CADM2: variants seen among roughly 807,000 people sequenced by gnomAD.
CADM2 encodes cell adhesion molecule 2, also known as immunoglobulin superfamily member 4D.
CADM2 carries 12 observed loss-of-function variants against 49.8 expected under a neutral mutation model. That is an observed-to-expected ratio of 0.24 (90% CI 0.15 to 0.39). CADM2 has a LOEUF of 0.39. Ranked by LOEUF, CADM2 falls within the 10% of genes least tolerant of loss-of-function variation. The pLI is 1.00. For synonymous variants in CADM2, 214 were observed against 175.4 expected (o/e 1.22, Z -1.74); for missense variants, 378 against 492.3 (o/e 0.77, Z 2.20).
rs574558467 is a variant in CADM2, at chr3:85,429,011, TGTTTTG to T, written c.62-297505_62-297500del. On this transcript the variant is annotated intron_variant, in intron 1 of 9. Coordinates refer to ENST00000383699, the MANE Select transcript of CADM2 (RefSeq NM_001167675.2). ...GGAAAAATATTCCTTTGGCTCAAAA[TGTTTTG>T]GTTTTAGTTTACTTGACTCTGGTTT... 2.5e-3 allele frequency among the ~76,000 whole-genome samples: 381 copies of T among 152,094 alleles called. 1 individual carries two copies. The highest frequency in any genetic ancestry group is 8.7e-3 in the African/African-American group (363 of 41,536).
intron 1 of CADM2, among the ~76,000 whole-genome samples, chr3:85,116,518 T>TA (rs1293982116): frequency 6.6e-6 from 1 of 152,190 alleles, no homozygotes. Context: ...GTGATATTGT[T>TA]ATATGAGTCA....
chr3:85,479,227 T>C (rs2039108793), intron 1 of CADM2, among the ~76,000 whole-genome samples: 1 of 151,890 alleles, frequency 6.6e-6, no homozygotes, highest in South Asian at 2.1e-4. Flanking sequence ...TACAATACAA[T>C]AGGTACTTTT....
intron 1 of CADM2, among the ~76,000 whole-genome samples, chr3:85,028,163 C>T (rs943160028): frequency 9.2e-5 from 14 of 152,152 alleles, no homozygotes; most frequent in African/African-American, 3.4e-4. Context: ...TTCCATTTTA[C>T]AGATGAGGAA....
In CADM2 at chr3:86,069,472, A is replaced by G. The variant is rs1336918846; in HGVS notation, c.*2689A>G. On this transcript the variant is annotated 3_prime_UTR_variant, in exon 10 of 10. Coordinates refer to ENST00000383699, the MANE Select transcript of CADM2 (RefSeq NM_001167675.2). The stretch of plus-strand genomic sequence containing the variant: ...GAGAAAACAATATCAATGAAGTCAT[A>G]TTTTCATACCTTTAAAAATTATTTA... 1 of 152,034 alleles carries G rather than the reference A, an allele frequency of 6.6e-6. No homozygotes were observed. Among genetic ancestry groups the G allele is most frequent in the African/African-American group, 2.4e-5 (1 of 41,442 alleles). The allele number at this position is 152,034 out of a possible 1,614,324, so 9.4% of individuals were successfully genotyped here. A position where few individuals can be genotyped will look rare whatever the true frequency, so the allele number is the denominator to read the frequency against.
chr3:85,051,094 G>A (rs1405137342), intron 1 of CADM2, among the ~76,000 whole-genome samples: 1 of 152,170 alleles, frequency 6.6e-6, no homozygotes, highest in Non-Finnish European at 1.5e-5. Context: ...GATTCAGAAT[G>A]GCTTGATGAC....
intron 1 of CADM2, 54 bp from the exon 2 acceptor site, chr3:85,726,468 G>T (rs2067699604): frequency 6.3e-7 from 1 of 1,598,800 alleles, no homozygotes; most frequent in Non-Finnish European, 8.6e-7. Context: ...TAGAGAATCT[G>T]TCTAATATCT....
chr3:85,507,877 A>G (rs2040428676), intron 1 of CADM2, among the ~76,000 whole-genome samples: 1 of 152,196 alleles, frequency 6.6e-6, no homozygotes, highest in South Asian at 2.1e-4. Context: ...TACAAATAAA[A>G]TGTTCTTGCA....
At chr3:85,852,317 G>T (rs1184584921) in intron 3 of CADM2, among the ~76,000 whole-genome samples, 1 of 152,058 alleles carries the variant, frequency 6.6e-6, no homozygotes, top group Non-Finnish European at 1.5e-5. Flanking sequence ...TAGATAAGTG[G>T]ATTAGAGACT....
At chr3:85,898,096 T>C (rs896075550) in intron 5 of CADM2, among the ~76,000 whole-genome samples, 2 of 152,162 alleles carry the variant, frequency 1.3e-5, no homozygotes, top group Non-Finnish European at 2.9e-5. Context: ...TGCACATAAC[T>C]TGAAGTTTTC....
At chr3:85,365,010 T>C (rs2107294664) in intron 1 of CADM2, among the ~76,000 whole-genome samples, 1 of 152,316 alleles carries the variant, frequency 6.6e-6, no homozygotes, top group South Asian at 2.1e-4. Context: ...GTTAGCATAT[T>C]TGCAATTAGA....
chr3:85,328,788 A>G (rs958380423), intron 1 of CADM2, among the ~76,000 whole-genome samples: 3 of 152,162 alleles, frequency 2.0e-5, no homozygotes, highest in Non-Finnish European at 2.9e-5. Flanking sequence ...TTGTGTGGAT[A>G]CATAGACATC....
At chr3:85,854,962 C>A (rs1365303872) in intron 3 of CADM2, among the ~76,000 whole-genome samples, 2 of 152,238 alleles carry the variant, frequency 1.3e-5, no homozygotes, top group Admixed American at 1.3e-4. Context: ...AATTTACTGA[C>A]TTATTCCATA....
At chr3:85,904,023 G>A (rs1716472757) in intron 5 of CADM2, among the ~76,000 whole-genome samples, 1 of 152,044 alleles carries the variant, frequency 6.6e-6, no homozygotes, top group South Asian at 2.1e-4. Flanking sequence ...GGTTTAGCGT[G>A]CTTATCTCAT....
chr3:85,893,834 A>C (rs1013595838), intron 5 of CADM2, among the ~76,000 whole-genome samples: 6 of 152,306 alleles, frequency 3.9e-5, no homozygotes, highest in East Asian at 1.9e-4. Flanking sequence ...GATCATTAAA[A>C]AGTCAGGAAA....
intron 1 of CADM2, among the ~76,000 whole-genome samples, chr3:85,094,018 T>C (rs1008346608): frequency 5.3e-5 from 8 of 152,046 alleles, no homozygotes; most frequent in African/African-American, 9.7e-5. Flanking sequence ...TGTACACTAG[T>C]GTAATAGGTT....
intron 3 of CADM2, among the ~76,000 whole-genome samples, chr3:85,877,786 T>C (rs1196016354): frequency 6.6e-6 from 1 of 150,682 alleles, no homozygotes; most frequent in Non-Finnish European, 1.5e-5. Context: ...TTTTTCACTC[T>C]GTTCTTATCA....
chr3:85,543,636 C>A (rs2061601616), intron 1 of CADM2, among the ~76,000 whole-genome samples: 1 of 152,172 alleles, frequency 6.6e-6, no homozygotes, highest in Non-Finnish European at 1.5e-5. Flanking sequence ...ATACCACAGG[C>A]TGGGTAATTT....
chr3:85,709,747 T>C (rs779500439), intron 1 of CADM2, among the ~76,000 whole-genome samples: 2 of 152,164 alleles, frequency 1.3e-5, no homozygotes, highest in African/African-American at 4.8e-5. Context: ...AGGCTTTTGA[T>C]CACAGTTCTA....
At chr3:85,028,354 A>G (rs1228438851) in intron 1 of CADM2, among the ~76,000 whole-genome samples, 1 of 152,192 alleles carries the variant, frequency 6.6e-6, no homozygotes, top group African/African-American at 2.4e-5. Context: ...GGAGGGATCA[A>G]TAATGAATGC....
Sources: gnomAD v4.1 joint callset for allele counts (sites outside exome capture counted in the v4.1 genomes callset) on GRCh38, gnomAD v4.1.1 for gene constraint, MANE v1.5 for transcripts, NCBI Gene and HGNC (gene_info 2026-07-23, HGNC 2026-07-21) for gene names.